Variants in PFKFB3 observed in about 807,000 individuals in gnomAD.
The protein encoded by PFKFB3 is 6-phosphofructo-2-kinase/fructose-2,6-biphosphatase 3.
A neutral mutation model predicts 68.0 loss-of-function variants in PFKFB3; 33 were observed. The ratio of observed to expected loss-of-function variants is 0.49; its 90% CI spans 0.37 to 0.65. The LOEUF (loss-of-function observed/expected upper bound fraction) is 0.65. Ranked by LOEUF, PFKFB3 falls within the 30% of genes least tolerant of loss-of-function variation. The pLI is 0.00. For synonymous variants in PFKFB3, 315 were observed against 288.2 expected (o/e 1.09, Z -0.94); for missense variants, 586 against 712.2 (o/e 0.82, Z 2.02).
intron 1 of PFKFB3, among the ~76,000 whole-genome samples, chr10:6,176,336 G>C (rs1156229152): frequency 6.6e-6 from 1 of 152,094 alleles, no homozygotes; most frequent in Non-Finnish European, 1.5e-5. Context: ...GATGGGTGGG[G>C]GTTGCATAGG....
chr10:6,311,492 TGG>T, the PFKFB3 span, among the ~76,000 whole-genome samples: 9 of 141,846 alleles, frequency 6.3e-5, no homozygotes, highest in Non-Finnish European at 1.1e-4. Context: ...AGTGGCTCTC[TGG>T]GCCCAGCACT....
At chr10:6,281,182 T>TATATATATATATATATATATATATATAC in the PFKFB3 span, among the ~76,000 whole-genome samples, 22 of 133,680 alleles carry the variant, frequency 1.6e-4, no homozygotes, top group African/African-American at 5.6e-4. Context: ...TATATATATA[T>TATATATATATATATATATATATATATAC]ACACCACAGT....
chr10:6,176,298 G>A lies in PFKFB3; in HGVS notation c.16+31285G>A, dbSNP rs535449950. 7.2e-5 allele frequency among the ~76,000 whole-genome samples: 11 copies of A among 152,272 alleles called. No individual in the cohort carries two copies. The South Asian group carries it at 2.3e-3, about 32-fold the overall frequency. Reference sequence around the variant, plus strand: ...TCCCTTGAGGTGGTGATGGGAGGGGGCACGGGGGTTTCTGTAGCGACCTGG... The same window carrying A: ...TCCCTTGAGGTGGTGATGGGAGGGGACACGGGGGTTTCTGTAGCGACCTGG... On this transcript the variant is annotated intron_variant, in intron 1 of 14. Transcript: ENST00000379789.
At chr10:6,211,207 TA>T in intron 1 of PFKFB3, among the ~76,000 whole-genome samples, 1 of 14,652 alleles carries the variant, frequency 6.8e-5, no homozygotes, top group East Asian at 0.021. Context: ...CTGCTGTCTT[TA>T]TTGTTGTTAT....
At chr10:6,307,845 A>C in the PFKFB3 span, among the ~76,000 whole-genome samples, 1 of 152,130 alleles carries the variant, frequency 6.6e-6, no homozygotes. Flanking sequence ...TGGGACCTTT[A>C]AGATGTGATT....
At chr10:6,303,453 A>G in the PFKFB3 span, among the ~76,000 whole-genome samples, 9 of 152,300 alleles carry the variant, frequency 5.9e-5, no homozygotes, top group South Asian at 1.4e-3. Context: ...AGTATTACAT[A>G]AGTGGGTCCA....
the PFKFB3 span, among the ~76,000 whole-genome samples, chr10:6,273,922 G>C: frequency 1.3e-5 from 2 of 152,148 alleles, no homozygotes; most frequent in Admixed American, 1.3e-4. Context: ...AATTTTTGTT[G>C]TGGGCCGGTG....
At chr10:6,318,295 G>A in the PFKFB3 span, among the ~76,000 whole-genome samples, 140 of 152,298 alleles carry the variant, frequency 9.2e-4, no homozygotes, top group African/African-American at 3.1e-3. Flanking sequence ...TGGCTCCTCC[G>A]TGATGAGGAC....
At chr10:6,144,931 G>T (rs915579154), upstream of PFKFB3, 1 of 1,201,888 alleles carries the variant, frequency 8.3e-7, no homozygotes, top group Non-Finnish European at 1.0e-6. Flanking sequence ...GAGTCGCGGG[G>T]CTGCCGCTTG....
chr10:6,148,189 A>G (rs547065465), intron 1 of PFKFB3, among the ~76,000 whole-genome samples: 2 of 152,234 alleles, frequency 1.3e-5, no homozygotes, highest in Non-Finnish European at 2.9e-5. Context: ...GTCCAAATGT[A>G]GAGCAGTTCT....
rs1031449043 is a variant in PFKFB3 at position 6,183,080 on chromosome 10, C to T, written c.17-30543C>T. Reference sequence around the variant, plus strand: ...GGAGACTTGGTCCTTCTGTGTCACACCTCTGTTCTCCCTGGAGTTGCAGGG... The same window carrying T: ...GGAGACTTGGTCCTTCTGTGTCACATCTCTGTTCTCCCTGGAGTTGCAGGG... On this transcript the variant is annotated intron_variant, in intron 1 of 14. Transcript: ENST00000379789. 1.3e-5 allele frequency among the ~76,000 whole-genome samples: 2 copies of T among 152,164 alleles called. 1 individual carries two copies. The highest frequency in any genetic ancestry group is 4.8e-5 in the African/African-American group (2 of 41,452).
At chr10:6,224,463 T>G in intron 13 of PFKFB3, 23 of 612,986 alleles carry the variant, frequency 3.8e-5, no homozygotes, top group Middle Eastern at 4.4e-4. Context: ...ATATGAATAT[T>G]AGTGAGGAAG....
the PFKFB3 span, among the ~76,000 whole-genome samples, chr10:6,270,811 C>T: frequency 6.6e-6 from 1 of 152,282 alleles, no homozygotes; most frequent in African/African-American, 2.4e-5. Flanking sequence ...GCTTCATGCC[C>T]GTTCTCTCAC....
At chr10:6,278,368 C>T in the PFKFB3 span, among the ~76,000 whole-genome samples, 1 of 151,128 alleles carries the variant, frequency 6.6e-6, no homozygotes, top group African/African-American at 2.4e-5. Context: ...CTCCAACTCC[C>T]TGGTTCAAAC....
downstream of PFKFB3, among the ~76,000 whole-genome samples, chr10:6,255,606 T>A (rs1354823690): frequency 6.6e-6 from 1 of 152,184 alleles, no homozygotes; most frequent in African/African-American, 2.4e-5. Flanking sequence ...TTCTGTTTTG[T>A]TTGTTTAGTA....
At chr10:6,210,003 C>G (rs28532995) in intron 1 of PFKFB3, among the ~76,000 whole-genome samples, 1 of 138,306 alleles carries the variant, frequency 7.2e-6, no homozygotes. Flanking sequence ...CCGCCCGCCT[C>G]GGCCTCCCAA....
chr10:6,206,783 G>C (rs12571428), intron 1 of PFKFB3, among the ~76,000 whole-genome samples: 15,549 of 53,672 alleles, frequency 0.29, 2,650 homozygotes, highest in Non-Finnish European at 0.37. Flanking sequence ...GGCAGAGGGG[G>C]TCCTCACATC....
At chr10:6,296,222 C>CTT in the PFKFB3 span, among the ~76,000 whole-genome samples, 1 of 142,022 alleles carries the variant, frequency 7.0e-6, no homozygotes, top group Admixed American at 7.0e-5. Flanking sequence ...CTTTTCTTTT[C>CTT]TTTTTTTTTT....
At chr10:6,216,875 C>A in intron 5 of PFKFB3, 95 bp downstream of exon 5, 1 of 835,330 alleles carries the variant, frequency 1.2e-6, no homozygotes, top group Non-Finnish European at 1.9e-6. Flanking sequence ...TCCCCTCCTG[C>A]TGCCCATGTT....
Sources: gnomAD v4.1 joint callset for allele counts (sites outside exome capture counted in the v4.1 genomes callset) on GRCh38, gnomAD v4.1.1 for gene constraint, MANE v1.5 for transcripts, NCBI Gene and HGNC (gene_info 2026-07-23, HGNC 2026-07-21) for gene names.